The following GADL1 variants were observed in gnomAD, a reference collection of about 807,000 sequenced individuals.
The protein encoded by GADL1 is GAD like acidic amino acid decarboxylase 1.
Under a neutral mutation model 69.5 loss-of-function variants are expected in GADL1, and 71 were observed. That is an observed-to-expected ratio of 1.02 (90% CI 0.84 to 1.25). The LOEUF is 1.25. GADL1 is among the 50% of genes most tolerant of loss of function. The probability of loss-of-function intolerance (pLI) is 0.00; values close to 1 mark genes in which losing one functional copy is unlikely to be tolerated. For synonymous variants in GADL1, 254 were observed against 214.4 expected (o/e 1.18, Z -1.62); for missense variants, 737 against 631.8 (o/e 1.17, Z -1.79).
chr3:30,878,707 G>A (rs1429083931), intron 1 of GADL1, among the ~76,000 whole-genome samples: 1 of 151,872 alleles, frequency 6.6e-6, no homozygotes, highest in Non-Finnish European at 1.5e-5. Context: ...AGTGGCACTA[G>A]CTGAAGCAGT....
chr3:30,893,838 C>T (rs1451573331), intron 1 of GADL1, among the ~76,000 whole-genome samples: 5 of 152,184 alleles, frequency 3.3e-5, no homozygotes, highest in Admixed American at 2.0e-4. Context: ...AGAGCTTCAA[C>T]TTTGAGACTT....
At chr3:30,804,327 G>A (rs200409651) in intron 11 of GADL1, among the ~76,000 whole-genome samples, 1 of 40,186 alleles carries the variant, frequency 2.5e-5, no homozygotes, top group Non-Finnish European at 3.7e-5. Context: ...AGCATGGAGA[G>A]GAGGCTCTGT....
At chr3:30,750,971 G>A (rs111370370) in intron 14 of GADL1, among the ~76,000 whole-genome samples, 1 of 152,242 alleles carries the variant, frequency 6.6e-6, no homozygotes, top group African/African-American at 2.4e-5. Context: ...AAAGAAGCGT[G>A]CTTTGAGAGA....
intron 11 of GADL1, among the ~76,000 whole-genome samples, chr3:30,804,114 G>A (rs1167997721): frequency 6.6e-6 from 1 of 152,112 alleles, no homozygotes; most frequent in Non-Finnish European, 1.5e-5. Context: ...GCAAAAGGAG[G>A]GAGTATTTTT....
chr3:30,795,301 C>G (rs556315493), intron 12 of GADL1, among the ~76,000 whole-genome samples: 2 of 152,188 alleles, frequency 1.3e-5, no homozygotes, highest in South Asian at 4.1e-4. Context: ...TCACATTATG[C>G]ACATGGTTAG....
intron 14 of GADL1, 34 bp from the exon 15 acceptor site, chr3:30,728,449 A>G (rs1166785071): frequency 1.9e-6 from 3 of 1,577,662 alleles, no homozygotes; most frequent in East Asian, 2.2e-5. Context: ...GGGGTGAAAG[A>G]CCAGAACATC....
At position 30,768,035 on chromosome 3, in the gene GADL1, ACCCC is replaced by A. The variant is rs147317208; in HGVS notation, c.1392+10140_1392+10143del. Reference sequence around the variant, plus strand: ...TTTTACCTTCTAAATAACTCCCCATACCCCCCCCCCCCTTATCCTTATAACACCC... The same window carrying A: ...TTTTACCTTCTAAATAACTCCCCATACCCCCCCCTTATCCTTATAACACCC... On this transcript the variant is annotated intron_variant, in intron 14 of 14. Coordinates refer to ENST00000282538, the MANE Select transcript of GADL1 (RefSeq NM_207359.3). 1.8e-3 allele frequency among the ~76,000 whole-genome samples: 252 copies of A among 142,834 alleles called. 5 individuals carry two copies. The East Asian group carries it at 0.02, about 11-fold the overall frequency. The allele number at this position is 142,834 out of a possible 152,430, so 93.7% of individuals were successfully genotyped here.
At chr3:30,795,804 CTT>C (rs1697020173) in intron 12 of GADL1, among the ~76,000 whole-genome samples, 1 of 152,124 alleles carries the variant, frequency 6.6e-6, no homozygotes, top group Non-Finnish European at 1.5e-5. Flanking sequence ...TGGAGGTAGA[CTT>C]TTGCCCACCC....
At chr3:30,881,092 C>A (rs977410396) in intron 1 of GADL1, among the ~76,000 whole-genome samples, 4 of 151,922 alleles carry the variant, frequency 2.6e-5, no homozygotes, top group Non-Finnish European at 5.9e-5. Flanking sequence ...CTGTAATATT[C>A]CTTTCAACTG....
intron 11 of GADL1, among the ~76,000 whole-genome samples, chr3:30,811,300 A>C (rs1193905845): frequency 6.6e-6 from 1 of 152,210 alleles, no homozygotes; most frequent in Non-Finnish European, 1.5e-5. Flanking sequence ...GCTGCCTACA[A>C]GAGAGGAAAG....
intron 12 of GADL1, chr3:30,798,413 G>C (rs1274841272): frequency 6.6e-6 from 1 of 152,622 alleles, no homozygotes; most frequent in South Asian, 2.1e-4. Context: ...AAACGCAAAA[G>C]CAGAAACCCC....
chr3:30,867,598 A>C (rs62233364), intron 1 of GADL1, among the ~76,000 whole-genome samples: 2 of 151,592 alleles, frequency 1.3e-5, no homozygotes, highest in East Asian at 2.0e-4. Flanking sequence ...GGTTTAATTC[A>C]GTTGAATTGC....
At chr3:30,775,551 G>T (rs1696517869) in intron 14 of GADL1, among the ~76,000 whole-genome samples, 2 of 149,978 alleles carry the variant, frequency 1.3e-5, no homozygotes, top group South Asian at 4.2e-4. Context: ...CAGAACCAGT[G>T]ATAATTTGTC....
At chr3:30,794,634 C>T (rs937009071) in intron 12 of GADL1, among the ~76,000 whole-genome samples, 1 of 152,224 alleles carries the variant, frequency 6.6e-6, no homozygotes, top group African/African-American at 2.4e-5. Context: ...GAAATGTTCT[C>T]TCTTCAATTG....
At chr3:30,770,659 C>T (rs551742267) in intron 14 of GADL1, among the ~76,000 whole-genome samples, 153 of 152,266 alleles carry the variant, frequency 1.0e-3, no homozygotes, top group Admixed American at 2.8e-3. Flanking sequence ...AACCTCAGGC[C>T]CATGAGCTCA....
At chr3:30,848,788 A>G (rs1291795705) in intron 6 of GADL1, among the ~76,000 whole-genome samples, 4 of 152,206 alleles carry the variant, frequency 2.6e-5, no homozygotes. Flanking sequence ...TATATCCCAG[A>G]TGACACTTTA....
intron 1 of GADL1, among the ~76,000 whole-genome samples, chr3:30,891,810 A>T (rs1002112138): frequency 3.3e-5 from 5 of 152,184 alleles, no homozygotes; most frequent in Admixed American, 6.5e-5. Flanking sequence ...GATAAGAAAT[A>T]AACAAAAAAT....
Position 30,833,865 on chromosome 3 carries a change from C to G in GADL1, c.1038G>C (p.Val346=). ...MAGIQCCALL[V]KDKSDLLKKC... is the part of the protein sequence containing the mutation. ...GAGGAAAACTTACAGATTTGTCTTTCACAAGGAGAGCACAGCACTGGATCC... is the reference window on the plus strand; with the variant it reads ...GAGGAAAACTTACAGATTTGTCTTTGACAAGGAGAGCACAGCACTGGATCC... Residue 346 remains valine, a synonymous_variant, in exon 11 of 15, where the codon GTG becomes GTC. Transcript: ENST00000282538. 6.2e-7 allele frequency: 1 copy of G among 1,612,088 alleles called. No individual in the cohort carries two copies. The highest frequency in any genetic ancestry group is 8.5e-7 in the Non-Finnish European group (1 of 1,178,638).
chr3:30,770,320 A>G (rs1400652408), intron 14 of GADL1, among the ~76,000 whole-genome samples: 1 of 152,218 alleles, frequency 6.6e-6, no homozygotes, highest in African/African-American at 2.4e-5. Context: ...GTTCACTCTG[A>G]TATACTTGGG....
Sources: gnomAD v4.1 joint callset for allele counts (sites outside exome capture counted in the v4.1 genomes callset) on GRCh38, gnomAD v4.1.1 for gene constraint, MANE v1.5 for transcripts, NCBI Gene and HGNC (gene_info 2026-07-23, HGNC 2026-07-21) for gene names.